The following RORB variants were observed in gnomAD, a reference collection of about 807,000 sequenced individuals.
The protein encoded by RORB is RAR related orphan receptor B.
A neutral mutation model predicts 59.1 loss-of-function variants in RORB; 6 were observed. The ratio of observed to expected loss-of-function variants is 0.10; its 90% CI spans 0.06 to 0.20. The LOEUF (loss-of-function observed/expected upper bound fraction) is 0.20, where lower values mean the gene tolerates loss of function less well. Ranked by LOEUF, RORB falls within the 10% of genes least tolerant of loss-of-function variation. RORB has a pLI of 1.00. For missense variants in RORB, 320 were observed against 560.5 expected (o/e 0.57, Z 4.33); for synonymous variants, 215 against 204.5 (o/e 1.05, Z -0.44).
intron 1 of RORB, among the ~76,000 whole-genome samples, chr9:74,499,442 G>A (rs1402217111): frequency 1.3e-5 from 2 of 152,202 alleles, no homozygotes; most frequent in Non-Finnish European, 2.9e-5. Flanking sequence ...GATGTGTCAG[G>A]AAAGGGAAGG....
At chr9:74,623,039 CAT>C (rs1787517410) in intron 1 of RORB, among the ~76,000 whole-genome samples, 1 of 152,206 alleles carries the variant, frequency 6.6e-6, no homozygotes, top group Non-Finnish European at 1.5e-5. Context: ...CAGCTTTTCA[CAT>C]GTTGGATTTC....
intron 3 of RORB, 37 bp from the exon 4 acceptor site, chr9:74,642,377 C>A (rs745923706): frequency 3.8e-6 from 6 of 1,568,046 alleles, no homozygotes; most frequent in Non-Finnish European, 5.2e-6. Context: ...CGAATGATAA[C>A]CACAAGTGCT....
At chr9:74,596,212 T>C (rs1406369903) in intron 1 of RORB, among the ~76,000 whole-genome samples, 1 of 152,118 alleles carries the variant, frequency 6.6e-6, no homozygotes, top group Non-Finnish European at 1.5e-5. Context: ...CAGGAAATCA[T>C]GGTAATTGCC....
chr9:74,598,418 T>C (rs1256134743), intron 1 of RORB, among the ~76,000 whole-genome samples: 2 of 152,224 alleles, frequency 1.3e-5, no homozygotes, highest in Non-Finnish European at 2.9e-5. Context: ...TTGAATCTCC[T>C]TAAGCTACAG....
chr9:74,501,326 T>C (rs971176681), intron 1 of RORB, among the ~76,000 whole-genome samples: 1 of 152,232 alleles, frequency 6.6e-6, no homozygotes, highest in Non-Finnish European at 1.5e-5. Flanking sequence ...GAAAAGAGGC[T>C]TCTTGCTCTC....
intron 4 of RORB, among the ~76,000 whole-genome samples, chr9:74,650,234 A>T (rs995490416): frequency 1.3e-5 from 2 of 152,218 alleles, no homozygotes; most frequent in Non-Finnish European, 2.9e-5. Context: ...TCAAGACATT[A>T]TACTGCAGAG....
At chr9:74,683,513 C>A (rs970869474) in intron 9 of RORB, among the ~76,000 whole-genome samples, 1 of 152,142 alleles carries the variant, frequency 6.6e-6, no homozygotes, top group Admixed American at 6.5e-5. Flanking sequence ...TCTGGCCATG[C>A]ACACCTCTCT....
At chr9:74,618,606 G>A (rs932472094) in intron 1 of RORB, among the ~76,000 whole-genome samples, 7 of 152,028 alleles carry the variant, frequency 4.6e-5, no homozygotes, top group African/African-American at 1.2e-4. Flanking sequence ...AAAAAGACAT[G>A]TTTTACTTAT....
intron 1 of RORB, among the ~76,000 whole-genome samples, chr9:74,519,353 G>T (rs1233465095): frequency 6.6e-6 from 1 of 151,926 alleles, no homozygotes; most frequent in African/African-American, 2.4e-5. Context: ...TCAATGAAGG[G>T]AGATTCTTTA....
intron 1 of RORB, among the ~76,000 whole-genome samples, chr9:74,545,973 C>A (rs1178312703): frequency 2.0e-5 from 3 of 152,068 alleles, no homozygotes; most frequent in East Asian, 3.9e-4. Context: ...ATCTAACTGG[C>A]AATAGAGAAA....
At chr9:74,555,730 CAG>C (rs1822278018) in intron 1 of RORB, among the ~76,000 whole-genome samples, 1 of 152,140 alleles carries the variant, frequency 6.6e-6, no homozygotes, top group Admixed American at 6.5e-5. Context: ...AGCTTGGGCT[CAG>C]GGGTTGGCAG....
At chr9:74,570,731 G>T (rs1277597697) in intron 1 of RORB, among the ~76,000 whole-genome samples, 1 of 52,362 alleles carries the variant, frequency 1.9e-5, no homozygotes, top group Admixed American at 2.0e-4. Context: ...GTGCACACAC[G>T]TGTGTGTGTA....
At chr9:74,519,556 T>C (rs557057895) in intron 1 of RORB, among the ~76,000 whole-genome samples, 14 of 152,098 alleles carry the variant, frequency 9.2e-5, no homozygotes, top group African/African-American at 3.4e-4. Context: ...ATATTGATAC[T>C]TGTGGACTGC....
Position 74,692,138 on chromosome 9 carries a change from C to T in RORB, c.*6520C>T, listed in dbSNP as rs892113192. ...GACCACTCATTTGCTGAAGCCATAA[C>T]TGACCTTCACCAAATAAATGTTGTA... On this transcript the variant is annotated 3_prime_UTR_variant, in exon 10 of 10. Coordinates refer to ENST00000376896, the MANE Select transcript of RORB (RefSeq NM_006914.4). The T allele has an allele frequency of 1.3e-5, 2 of 152,126 alleles. No homozygotes were observed. The highest frequency in any genetic ancestry group is 6.5e-5 in the Admixed American group (1 of 15,276). The allele number at this position is 152,126 out of a possible 1,614,324, so 9.4% of individuals were successfully genotyped here.
chr9:74,520,979 T>C (rs2118068686), intron 1 of RORB, among the ~76,000 whole-genome samples: 2 of 152,048 alleles, frequency 1.3e-5, no homozygotes, highest in East Asian at 3.9e-4. Flanking sequence ...TTCATGTGGC[T>C]AACCCTGTAT....
intron 2 of RORB, 120 bp downstream of exon 2, chr9:74,630,487 A>G: frequency 2.5e-6 from 1 of 407,096 alleles, no homozygotes; most frequent in East Asian, 5.1e-5. Flanking sequence ...TGCTGCTGAC[A>G]TTCAGGAATT....
intron 4 of RORB, among the ~76,000 whole-genome samples, chr9:74,648,738 CAAG>C (rs2118479662): frequency 6.6e-6 from 1 of 152,210 alleles, no homozygotes; most frequent in African/African-American, 2.4e-5. Flanking sequence ...ACAATAAAAA[CAAG>C]AAATCAGATT....
At chr9:74,598,486 AT>A (rs1007567100) in intron 1 of RORB, among the ~76,000 whole-genome samples, 26 of 151,802 alleles carry the variant, frequency 1.7e-4, no homozygotes, top group South Asian at 4.2e-4. Flanking sequence ...ACTTTTTTAA[AT>A]TTTTTTTTAA....
In RORB at chr9:74,664,839, T is replaced by A. The variant is rs564230881; in HGVS notation, c.893-649T>A. The stretch of plus-strand genomic sequence containing the variant: ...CTGGCTGTTAACTTCAACTGCACTA[T>A]GGGGCAAAAGCCCATTTCTCCAAAA... On this transcript the variant is annotated intron_variant, in intron 6 of 9. Transcript: ENST00000376896. Among the ~76,000 whole-genome samples the A allele has an allele frequency of 5.9e-5, 9 of 152,350 alleles. No individual in the cohort carries two copies. In the South Asian group the frequency reaches 1.7e-3, roughly 28 times the overall value.
Sources: gnomAD v4.1 joint callset for allele counts (sites outside exome capture counted in the v4.1 genomes callset) on GRCh38, gnomAD v4.1.1 for gene constraint, MANE v1.5 for transcripts, NCBI Gene and HGNC (gene_info 2026-07-23, HGNC 2026-07-21) for gene names.